ARID4B: variants seen among roughly 807,000 people sequenced by gnomAD.
ARID4B encodes the protein AT-rich interaction domain 4B.
Under a neutral mutation model 147.5 loss-of-function variants are expected in ARID4B, and 26 were observed. The ratio of observed to expected loss-of-function variants is 0.18; its 90% CI spans 0.13 to 0.24. The LOEUF (loss-of-function observed/expected upper bound fraction) is 0.24. ARID4B is among the 10% of genes least tolerant of loss of function. ARID4B has a pLI of 1.00. For synonymous variants in ARID4B, 512 were observed against 507.9 expected, an observed-to-expected ratio of 1.01 and a Z score of -0.11; for missense variants, 1,179 against 1,511.5, an observed-to-expected ratio of 0.78 and a Z score of 3.65.
chr1:235,176,718 C>T (rs1050831103), intron 21 of ARID4B: 8 of 390,658 alleles, frequency 2.0e-5, no homozygotes, highest in Admixed American at 1.6e-4. Flanking sequence ...TGAGCACAGC[C>T]GCCCGGGGCC....
chr1:235,255,185 T>C (rs1427193187), intron 5 of ARID4B, among the ~76,000 whole-genome samples: 2 of 143,802 alleles, frequency 1.4e-5, no homozygotes, highest in African/African-American at 2.6e-5. Flanking sequence ...TCAACTATTA[T>C]AAAATACACT....
intron 19 of ARID4B, among the ~76,000 whole-genome samples, chr1:235,184,813 T>G (rs1189551673): frequency 6.6e-6 from 1 of 152,146 alleles, no homozygotes; most frequent in African/African-American, 2.4e-5. Context: ...ATACTATTTG[T>G]TTTATTTATT....
At position 235,177,865 on chromosome 1, in the gene ARID4B, G is replaced by A. The variant is rs1174481117; in HGVS notation, c.3383C>T (p.Ser1128Leu). The A allele has an allele frequency of 6.0e-5, 97 of 1,610,470 alleles. No individual in the cohort carries two copies. The highest frequency in any genetic ancestry group is 8.1e-5 in the Non-Finnish European group (95 of 1,178,366). ...ATGGCTTCTTTTCTGCTTTTTTGAT[G>A]AACTTCCTCCTCCCTGAGCATCTTT... ...RVKDAQGGGS[S>L]SKKQKRSHKA... The change falls in exon 21 of 24, where the codon TCA becomes TTA. Residue 1128 changes from serine (S) to leucine (L), a missense_variant. Ser to Leu is a moderately radical substitution (Grantham distance 145). Transcript: ENST00000264183.
chr1:235,310,126 A>G (rs2103273965), intron 2 of ARID4B, among the ~76,000 whole-genome samples: 1 of 152,084 alleles, frequency 6.6e-6, no homozygotes, highest in East Asian at 1.9e-4. Context: ...CTATTGTCCT[A>G]TGACCCTGCC....
At chr1:235,294,477 C>CCTCCTGAGCAGCTGGG (rs1558286744) in intron 2 of ARID4B, among the ~76,000 whole-genome samples, 12 of 26,084 alleles carry the variant, frequency 4.6e-4, no homozygotes, top group South Asian at 3.4e-3. Flanking sequence ...GGGGTTCAAG[C>CCTCCTGAGCAGCTGGG]AATTCTCCCG....
rs1156738926 is a variant in ARID4B, at chr1:235,171,866, T to A, written c.3811+752A>T. On this transcript the variant is annotated intron_variant, in intron 23 of 23. Coordinates refer to ENST00000264183, the MANE Select transcript of ARID4B (RefSeq NM_016374.6). ...TATGTTGGCCAAGCTGGTCTCGACC[T>A]CCTGACCTCAGGCAATCCACCCACC... 2.6e-5 allele frequency among the ~76,000 whole-genome samples: 4 copies of A among 152,162 alleles called. No homozygotes were observed. In the South Asian group the frequency reaches 8.3e-4, roughly 32 times the overall value.
intron 19 of ARID4B, among the ~76,000 whole-genome samples, chr1:235,187,865 A>G (rs1664800501): frequency 1.3e-5 from 2 of 152,234 alleles, no homozygotes; most frequent in Admixed American, 6.5e-5. Context: ...TGCAAATATG[A>G]TACTCATTGT....
chr1:235,321,328 A>G (rs531478310), intron 2 of ARID4B, among the ~76,000 whole-genome samples: 1 of 152,348 alleles, frequency 6.6e-6, no homozygotes, highest in African/African-American at 2.4e-5. Flanking sequence ...AATATCATAG[A>G]TATGAGGTTA....
chr1:235,186,768 C>T (rs577837860), intron 19 of ARID4B, among the ~76,000 whole-genome samples: 1 of 151,622 alleles, frequency 6.6e-6, no homozygotes, highest in East Asian at 1.9e-4. Flanking sequence ...CTCTGTTGCC[C>T]AGACTGGAGT....
At chr1:235,245,609 G>C (rs1015434031) in intron 7 of ARID4B, among the ~76,000 whole-genome samples, 7 of 152,106 alleles carry the variant, frequency 4.6e-5, no homozygotes, top group East Asian at 1.9e-4. Context: ...CTAATTGTCA[G>C]ACATAAACAC....
At chr1:235,256,303 C>T (rs908670698) in intron 4 of ARID4B, among the ~76,000 whole-genome samples, 9 of 152,088 alleles carry the variant, frequency 5.9e-5, no homozygotes, top group Admixed American at 1.3e-4. Flanking sequence ...TTACAACCCC[C>T]GCCAAAAGAA....
chr1:235,261,095 G>A (rs919604573), intron 2 of ARID4B, among the ~76,000 whole-genome samples: 1 of 152,040 alleles, frequency 6.6e-6, no homozygotes, highest in Non-Finnish European at 1.5e-5. Context: ...AGGGTCCGTT[G>A]GCCAGAAGGC....
intron 2 of ARID4B, among the ~76,000 whole-genome samples, chr1:235,287,867 T>C (rs1672086498): frequency 6.6e-6 from 1 of 152,248 alleles, no homozygotes; most frequent in East Asian, 1.9e-4. Context: ...GGGACATAAC[T>C]ACTGTCTCCT....
At position 235,252,685 on chromosome 1, in the gene ARID4B, A is replaced by G. The variant is rs1164952502; in HGVS notation, c.354+45T>C. On this transcript the variant is annotated intron_variant, in intron 6 of 23. Transcript: ENST00000264183. ...GAGAAAGCAAAAATTTATTCCTCCCAATAAAAAATATTAAGACATGTTCAT... is the reference window on the plus strand; with the variant it reads ...GAGAAAGCAAAAATTTATTCCTCCCGATAAAAAATATTAAGACATGTTCAT... 5 of 1,558,458 alleles carry G rather than the reference A, an allele frequency of 3.2e-6. No individual in the cohort carries two copies. In the African/African-American group the frequency reaches 6.9e-5, roughly 21 times the overall value.
intron 2 of ARID4B, among the ~76,000 whole-genome samples, chr1:235,276,770 G>C (rs1671343073): frequency 6.6e-6 from 1 of 152,110 alleles, no homozygotes; most frequent in African/African-American, 2.4e-5. Flanking sequence ...GGCCGAAGCA[G>C]GGGGGATCAC....
intron 5 of ARID4B, among the ~76,000 whole-genome samples, chr1:235,255,269 A>AGATC (rs1477322703): frequency 1.5e-5 from 2 of 131,614 alleles, no homozygotes; most frequent in Admixed American, 1.5e-4. Flanking sequence ...ATAGATATAT[A>AGATC]TCTCTCTCTC....
intron 16 of ARID4B, among the ~76,000 whole-genome samples, chr1:235,219,460 T>C (rs4659653): frequency 0.29 from 44,583 of 152,082 alleles, 7,681 homozygotes; most frequent in South Asian, 0.53. Flanking sequence ...TCAGAATCTA[T>C]AGCCAACATA....
chr1:235,176,281 GCT>G lies in ARID4B; in HGVS notation c.3449-884_3449-883del, dbSNP rs559878616. On this transcript the variant is annotated intron_variant, in intron 21 of 23. Transcript: ENST00000264183. The stretch of plus-strand genomic sequence containing the variant: ...ATACTAAATAACTCATTGAAGATGC[GCT>G]CTCTTAGGAAATGTCATTTAAATAG... 1.8e-3 allele frequency among the ~76,000 whole-genome samples: 266 copies of G among 151,534 alleles called. 2 individuals carry two copies. Among genetic ancestry groups the G allele is most frequent in the Admixed American group, 0.017 (252 of 15,190 alleles).
intron 11 of ARID4B, among the ~76,000 whole-genome samples, chr1:235,226,274 A>T (rs1667822548): frequency 1.3e-5 from 2 of 152,244 alleles, no homozygotes; most frequent in Non-Finnish European, 2.9e-5. Flanking sequence ...CCTAACTTTA[A>T]GGAACTTACA....
Sources: gnomAD v4.1 joint callset for allele counts (sites outside exome capture counted in the v4.1 genomes callset) on GRCh38, gnomAD v4.1.1 for gene constraint, MANE v1.5 for transcripts, NCBI Gene and HGNC (gene_info 2026-07-23, HGNC 2026-07-21) for gene names.